The following LGI4 variants were observed in gnomAD, a reference collection of about 807,000 sequenced individuals.
The protein encoded by LGI4 is leucine-rich repeat LGI family member 4.
A neutral mutation model predicts 48.3 loss-of-function variants in LGI4; 36 were observed. That is an observed-to-expected ratio of 0.75 (90% CI 0.57 to 0.98). The LOEUF (loss-of-function observed/expected upper bound fraction) is 0.98. LGI4 is among the 50% of genes least tolerant of loss of function. LGI4 has a pLI of 0.00. For synonymous variants in LGI4, 355 were observed against 331.6 expected (o/e 1.07, Z -0.77); for missense variants, 701 against 732.1 (o/e 0.96, Z 0.49).
chr19:35,124,709 A>G lies in LGI4; in HGVS notation c.*484T>C, dbSNP rs2065117565. 1 of 152,862 alleles carries G rather than the reference A, an allele frequency of 6.5e-6. No homozygotes were observed. Among genetic ancestry groups the G allele is most frequent in the African/African-American group, 2.4e-5 (1 of 41,492 alleles). 9.5% of individuals were successfully genotyped at this position (152,862 alleles called of 1,614,324 possible). A position where few individuals can be genotyped will look rare whatever the true frequency, so the allele number is the denominator to read the frequency against. The stretch of plus-strand genomic sequence containing the variant: ...ACAAGCAGCAGAGGGGAACCCGCCC[A>G]GTGCTGAGTTGTCTTCGAGGTTGGC... On this transcript the variant is annotated 3_prime_UTR_variant, in exon 9 of 9. Coordinates refer to ENST00000310123, the MANE Select transcript of LGI4 (RefSeq NM_139284.3).
rs750856732 is a variant in LGI4, at chr19:35,126,245, C to T, written c.1299+25G>A. The T allele has an allele frequency of 5.6e-6, 9 of 1,605,544 alleles. No homozygotes were observed. The Admixed American group carries it at 1.2e-4, about 21-fold the overall frequency. ...ATTGGGTCAGTGCTGAAAAGCCAGC[C>T]CCCCGCCCCCAGGCCCAGCCTCACC... is the stretch of plus-strand genomic sequence containing the variant. On this transcript the variant is annotated intron_variant, in intron 8 of 8. Transcript: ENST00000310123.
rs2065118810 is a variant in LGI4 at position 35,124,813 on chromosome 19, G to A, written c.*380C>T. 5.5e-6 allele frequency: 1 copy of A among 180,960 alleles called. No homozygotes were observed. Among genetic ancestry groups the A allele is most frequent in the Non-Finnish European group, 1.1e-5 (1 of 87,746 alleles). 11.2% of individuals were successfully genotyped at this position (180,960 alleles called of 1,614,324 possible). ...CATCAACCCCTCGGTGCTTTCAGAG[G>A]GACCAGCGGGGTAGGAGCGGGTTGA... On this transcript the variant is annotated 3_prime_UTR_variant, in exon 9 of 9. Transcript: ENST00000310123.
intron 1 of LGI4, 35 bp downstream of exon 1, chr19:35,134,476 C>A (rs1452762228): frequency 6.4e-7 from 1 of 1,558,090 alleles, no homozygotes; most frequent in Non-Finnish European, 8.7e-7. Flanking sequence ...GACTTCCGTC[C>A]CCACCTTCGG....
At chr19:35,128,617 A>T (rs917562020) in intron 6 of LGI4, among the ~76,000 whole-genome samples, 1 of 152,188 alleles carries the variant, frequency 6.6e-6, no homozygotes, top group African/African-American at 2.4e-5. Flanking sequence ...AGGCTGGGGC[A>T]GGAGGATCAC....
At chr19:35,128,949 G>C (rs952924253) in intron 6 of LGI4, among the ~76,000 whole-genome samples, 1 of 151,992 alleles carries the variant, frequency 6.6e-6, no homozygotes, top group Non-Finnish European at 1.5e-5. Flanking sequence ...TAGCCACATC[G>C]AGACCTAACA....
At position 35,134,843 on chromosome 19, in the gene LGI4, C is replaced by G; in HGVS notation, c.-163G>C. On this transcript the variant is annotated 5_prime_UTR_variant, in exon 1 of 9. Coordinates refer to ENST00000310123, the MANE Select transcript of LGI4 (RefSeq NM_139284.3). ...CGTCTTTCTTTCAGTCGGCCTTCCTCCCTGTTCGTATGTCTTTGGTGTCTA... is the reference window on the plus strand; with the variant it reads ...CGTCTTTCTTTCAGTCGGCCTTCCTGCCTGTTCGTATGTCTTTGGTGTCTA... 3.6e-6 allele frequency: 2 copies of G among 556,304 alleles called. No homozygotes were observed. Among genetic ancestry groups the G allele is most frequent in the Non-Finnish European group, 6.3e-6 (2 of 317,010 alleles). 34.5% of individuals were successfully genotyped at this position (556,304 alleles called of 1,614,324 possible).
At chr19:35,128,069 C>G (rs2065151982) in intron 6 of LGI4, among the ~76,000 whole-genome samples, 1 of 152,224 alleles carries the variant, frequency 6.6e-6, no homozygotes, top group South Asian at 2.1e-4. Context: ...AACTTGGTCT[C>G]CTTTCCCACC....
In LGI4 at chr19:35,131,827, G is replaced by T; in HGVS notation, c.420C>A (p.Pro140=). The T allele has an allele frequency of 6.4e-7, 1 of 1,574,568 alleles. No individual in the cohort carries two copies. The highest frequency in any genetic ancestry group is 2.3e-5 in the East Asian group (1 of 42,946). Residue 140 remains proline (P), a synonymous_variant, in exon 5 of 9, where the codon CCC becomes CCA. Transcript: ENST00000310123. ...SLANNHLETL[P]RFLFRGLDTL... ...TGTCCAGGCCTCGGAACAGGAATCT[G>T]GGGAGGGTCTCCAGATGGTTATTGG...
intron 6 of LGI4, 35 bp from the exon 7 acceptor site, chr19:35,127,052 G>A: frequency 6.5e-7 from 1 of 1,533,758 alleles, no homozygotes; most frequent in Non-Finnish European, 8.8e-7. Context: ...CAGGCCCCAG[G>A]ACCCCCAGGG....
chr19:35,126,793 G>GGCC lies in LGI4; in HGVS notation c.794-19_794-18insGGC. 4 of 1,573,514 alleles carry GGCC rather than the reference G, an allele frequency of 2.5e-6. No individual in the cohort carries two copies. Among genetic ancestry groups the GGCC allele is most frequent in the Non-Finnish European group, 3.4e-6 (4 of 1,165,234 alleles). On this transcript the variant is annotated intron_variant, in intron 7 of 8. Transcript: ENST00000310123. ...GGAGGCCGCTGTGGGGAGGTGGGGA[G>GGCC]GCAGGTCAGGCCAGCCAGGCAGGCT...
At position 35,126,313 on chromosome 19, in the gene LGI4, C is replaced by T. The variant is rs762157778; in HGVS notation, c.1256G>A (p.Gly419Glu). ...GCGTGTGAGGCACAGGAACACGTCC[C>T]CACCAGCCTGGAAGTGGCGTGTGGC... ...VYATRHFQAG[G>E]DVFLCLTRYI... The change falls in exon 8 of 9, where the codon GGG becomes GAG. Residue 419 changes from glycine (G) to glutamate (E), a missense_variant. By Grantham distance (98) the Gly-to-Glu change is moderately conservative. Coordinates refer to ENST00000310123, the MANE Select transcript of LGI4 (RefSeq NM_139284.3). The T allele has an allele frequency of 2.5e-6, 4 of 1,611,972 alleles. No homozygotes were observed. The highest frequency in any genetic ancestry group is 3.4e-6 in the Non-Finnish European group (4 of 1,179,558).
intron 3 of LGI4, among the ~76,000 whole-genome samples, chr19:35,132,588 T>C (rs1031143085): frequency 1.3e-5 from 2 of 152,020 alleles, no homozygotes; most frequent in South Asian, 4.1e-4. Flanking sequence ...TCCCCAACAT[T>C]ATACCTTGCC....
rs1334621463 is a variant in LGI4, at chr19:35,126,683, G to T, written c.886C>A (p.Arg296=). 2.0e-5 allele frequency: 30 copies of T among 1,535,778 alleles called. No homozygotes were observed. The highest frequency in any genetic ancestry group is 2.4e-5 in the Non-Finnish European group (28 of 1,146,316). Residue 296 remains arginine, a synonymous_variant, in exon 8 of 9, where the codon CGG becomes AGG. Coordinates refer to ENST00000310123, the MANE Select transcript of LGI4 (RefSeq NM_139284.3). ...GCCAGGCGCAGGCCGGGACTGGGCC[G>T]GGCCCACAGCTGTGAGCCCCCCCAC... ...RLWGGSQLWA[R]PSPGLRLAPT... is the part of the protein sequence containing the mutation.
chr19:35,133,831 C>A, intron 2 of LGI4, 67 bp from the exon 3 acceptor site: 1 of 1,519,156 alleles, frequency 6.6e-7, no homozygotes, highest in East Asian at 2.4e-5. Flanking sequence ...TAACCCTGGC[C>A]TCCACCCTCA....
rs149330904 is a variant in LGI4 at position 35,130,862 on chromosome 19, C to T, written c.628+524G>A. 4.9e-3 allele frequency among the ~76,000 whole-genome samples: 747 copies of T among 152,362 alleles called. 7 individuals carry two copies. Among genetic ancestry groups the T allele is most frequent in the African/African-American group, 0.017 (712 of 41,586 alleles). Reference sequence around the variant, plus strand: ...GACCCCTCTGGCTGGGCCTCCCCATCCTGCCCAGATCGTCCTGGGCTGTCC... The same window carrying T: ...GACCCCTCTGGCTGGGCCTCCCCATTCTGCCCAGATCGTCCTGGGCTGTCC... On this transcript the variant is annotated intron_variant, in intron 6 of 8. Coordinates refer to ENST00000310123, the MANE Select transcript of LGI4 (RefSeq NM_139284.3).
chr19:35,125,589 G>A (rs1005004729), intron 8 of LGI4, 82 bp from the exon 9 acceptor site: 5 of 1,227,250 alleles, frequency 4.1e-6, no homozygotes, highest in Admixed American at 2.4e-5. Context: ...GAAGCCTGTC[G>A]GTCCCAAAAC....
At chr19:35,134,209 C>T (rs1600477798) in intron 1 of LGI4, 105 bp from the exon 2 acceptor site, 7 of 1,033,120 alleles carry the variant, frequency 6.8e-6, no homozygotes, top group Non-Finnish European at 1.0e-5. Context: ...CACCCTGACC[C>T]TGGATGTGTC....
chr19:35,127,495 C>T (rs2065148409), intron 6 of LGI4, among the ~76,000 whole-genome samples: 1 of 151,906 alleles, frequency 6.6e-6, no homozygotes, highest in Non-Finnish European at 1.5e-5. Flanking sequence ...TCAAACAATT[C>T]TACTTCCTCA....
Position 35,131,429 on chromosome 19 carries a change from C to G in LGI4, c.585G>C (p.Gln195His). The G allele has an allele frequency of 6.4e-7, 1 of 1,552,330 alleles. No homozygotes were observed. The highest frequency in any genetic ancestry group is 1.4e-5 in the African/African-American group (1 of 73,362). Residue 195 changes from glutamine (Q) to histidine (H), a missense_variant, in exon 6 of 9, where the codon CAG becomes CAC. By Grantham distance (24) the Gln-to-His change is conservative. Coordinates refer to ENST00000310123, the MANE Select transcript of LGI4 (RefSeq NM_139284.3). ...AAGTCTTGGGGTCGAGGTGGTGGAG[C>G]TGCATGTGGCTCAGGGAGGCGGGGC... ...CAGPASLSHM[Q>H]LHHLDPKTFK...
Sources: allele counts gnomAD v4.1 joint callset (sites outside exome capture counted in the v4.1 genomes callset), GRCh38; gene constraint gnomAD v4.1.1; transcripts MANE v1.5; gene names NCBI Gene and HGNC (gene_info 2026-07-23, HGNC 2026-07-21).